The following EDA variants were observed in gnomAD, a reference collection of about 807,000 sequenced individuals.
The protein encoded by EDA is ectodysplasin-A.
Under a neutral mutation model 23.6 loss-of-function variants are expected in EDA, and 2 were observed. The ratio of observed to expected loss-of-function variants is 0.08; its 90% CI spans 0.03 to 0.27. EDA has a LOEUF of 0.27. Among genes scored for constraint, EDA ranks in the 10% least tolerant of loss-of-function variants. The pLI is 1.00. For missense variants in EDA, 229 were observed against 324.2 expected (o/e 0.71, Z 2.26); for synonymous variants, 131 against 132.0 (o/e 0.99, Z 0.05).
At chrX:69,864,760 G>A (rs928465454) in intron 1 of EDA, among the ~76,000 whole-genome samples, 6 of 112,012 alleles carry the variant, frequency 5.4e-5, no homozygotes, top group African/African-American at 1.9e-4. Context: ...GGAGGCTGAG[G>A]CGGGTGGATC....
chrX:69,852,389 A>G (rs1419280833), intron 1 of EDA, among the ~76,000 whole-genome samples: 2 of 111,998 alleles, frequency 1.8e-5, no homozygotes, highest in African/African-American at 6.5e-5. Flanking sequence ...TCAGCCTCCC[A>G]AAGTGATTTT....
intron 1 of EDA, among the ~76,000 whole-genome samples, chrX:69,930,738 A>G (rs1176454738): frequency 9.0e-6 from 1 of 111,614 alleles, no homozygotes; most frequent in Non-Finnish European, 1.9e-5. Flanking sequence ...AACTGTCTTT[A>G]TACACAGACG....
At chrX:69,864,044 A>C (rs928466714) in intron 1 of EDA, among the ~76,000 whole-genome samples, 3 of 111,223 alleles carry the variant, frequency 2.7e-5, no homozygotes, top group African/African-American at 9.8e-5. Flanking sequence ...GGTAGAGCTA[A>C]CTTAATTGCT....
At chrX:69,748,779 G>T (rs2013706594) in intron 1 of EDA, among the ~76,000 whole-genome samples, 1 of 111,294 alleles carries the variant, frequency 9.0e-6, no homozygotes, top group African/African-American at 3.3e-5. Flanking sequence ...TAAGGATGTA[G>T]AGCCTCCCTC....
At chrX:69,793,377 T>TC (rs869201850) in intron 1 of EDA, among the ~76,000 whole-genome samples, 21 of 297 alleles carry the variant, frequency 0.071, no homozygotes, top group Non-Finnish European at 0.17. Context: ...AATAGTAGGG[T>TC]TTTTTTTTTT....
chrX:69,763,458 A>T (rs752463003), intron 1 of EDA, among the ~76,000 whole-genome samples: 121 of 112,380 alleles, frequency 1.1e-3, no homozygotes, highest in African/African-American at 3.5e-3. Flanking sequence ...AAAGATAATC[A>T]GATTTATCAG....
intron 1 of EDA, among the ~76,000 whole-genome samples, chrX:69,922,083 C>T (rs2018444594): frequency 8.9e-6 from 1 of 112,085 alleles, no homozygotes. Context: ...TGGCTTCTTT[C>T]ACTTGGCAAT....
chrX:69,787,736 ATT>A (rs2147463343), intron 1 of EDA, among the ~76,000 whole-genome samples: 1 of 110,070 alleles, frequency 9.1e-6, no homozygotes, highest in South Asian at 4.0e-4. Context: ...TTTTTCCTTC[ATT>A]TCAACTTTGG....
intron 1 of EDA, among the ~76,000 whole-genome samples, chrX:69,645,581 C>CTT (rs1491179249): frequency 6.0e-4 from 16 of 26,750 alleles, no homozygotes; most frequent in African/African-American, 4.2e-3. Flanking sequence ...TTCTCTAGTT[C>CTT]TTTTATATAT....
chrX:69,795,130 A>G (rs1602417034), intron 1 of EDA, among the ~76,000 whole-genome samples: 1 of 111,638 alleles, frequency 9.0e-6, no homozygotes, highest in South Asian at 3.8e-4. Context: ...GGCTCAAGCA[A>G]TCTCCCTGCC....
At chrX:69,804,381 C>T (rs2015766482) in intron 1 of EDA, among the ~76,000 whole-genome samples, 1 of 110,927 alleles carries the variant, frequency 9.0e-6, no homozygotes, top group East Asian at 2.8e-4. Flanking sequence ...CAAAAGATTG[C>T]AGAAATCACA....
chrX:69,825,449 T>G (rs369349832), intron 1 of EDA, among the ~76,000 whole-genome samples: 194 of 110,527 alleles, frequency 1.8e-3, no homozygotes, highest in African/African-American at 3.0e-3. Flanking sequence ...GTCGAGGAAT[T>G]TATCCATTTC....
Position 69,681,930 on chromosome X carries a change from G to T in EDA, c.396+65226G>T, listed in dbSNP as rs867585323. On this transcript the variant is annotated intron_variant, in intron 1 of 7. Coordinates refer to ENST00000374552, the MANE Select transcript of EDA (RefSeq NM_001399.5). ...TTAGAGTTTCCAGTTTTTCTGCTCT[G>T]TTTTTTCCCCATCTTTGTGGTTTTA... Among the ~76,000 whole-genome samples the T allele has an allele frequency of 1.8e-4, 20 of 110,555 alleles. No homozygotes were observed. In the South Asian group the frequency reaches 3.5e-3, roughly 20 times the overall value.
intron 1 of EDA, among the ~76,000 whole-genome samples, chrX:69,825,139 A>G (rs375033579): frequency 9.8e-6 from 1 of 102,430 alleles, no homozygotes; most frequent in Non-Finnish European, 2.0e-5. Context: ...TGTTCATCAA[A>G]GATATTGGTC....
chrX:69,981,832 G>A (rs1031156402), intron 2 of EDA, among the ~76,000 whole-genome samples: 1 of 111,994 alleles, frequency 8.9e-6, no homozygotes, highest in Admixed American at 9.5e-5. Flanking sequence ...ACTAGTGAGT[G>A]GCAAATGCAG....
At chrX:69,906,864 G>A (rs1359085666) in intron 1 of EDA, among the ~76,000 whole-genome samples, 2 of 112,442 alleles carry the variant, frequency 1.8e-5, no homozygotes, top group Non-Finnish European at 3.8e-5. Context: ...TTTCTTCTCT[G>A]TATTTCCATG....
chrX:69,911,832 G>C (rs1602528865), intron 1 of EDA, among the ~76,000 whole-genome samples: 1 of 112,396 alleles, frequency 8.9e-6, no homozygotes. Context: ...GAAGAGTCGT[G>C]CCTTGATGTT....
intron 1 of EDA, among the ~76,000 whole-genome samples, chrX:69,781,765 T>C (rs527817686): frequency 9.0e-6 from 1 of 111,163 alleles, no homozygotes; most frequent in African/African-American, 3.3e-5. Context: ...TGCAATTATA[T>C]CTGTTAGACA....
At chrX:69,810,582 C>A (rs1214037511) in intron 1 of EDA, among the ~76,000 whole-genome samples, 1 of 107,776 alleles carries the variant, frequency 9.3e-6, no homozygotes, top group African/African-American at 3.4e-5. Context: ...CATGGTGAAA[C>A]CGCATTCTAC....
Sources: allele counts gnomAD v4.1 joint callset (sites outside exome capture counted in the v4.1 genomes callset), GRCh38; gene constraint gnomAD v4.1.1; transcripts MANE v1.5; gene names NCBI Gene and HGNC (gene_info 2026-07-23, HGNC 2026-07-21).